Variants in ZNF214 observed in about 807,000 individuals in gnomAD.
The protein encoded by ZNF214 is BWSCR2-associated zinc finger protein 1.
A neutral mutation model predicts 53.9 loss-of-function variants in ZNF214; 43 were observed. That is an observed-to-expected ratio of 0.80 (90% CI 0.63 to 1.03). ZNF214 has a LOEUF of 1.03. Ranked by LOEUF, ZNF214 falls within the 50% of genes least tolerant of loss-of-function variation. The probability of loss-of-function intolerance (pLI) is 0.00; values close to 1 mark genes in which losing one functional copy is unlikely to be tolerated. For missense variants in ZNF214, 724 were observed against 719.1 expected (o/e 1.01, Z -0.08); for synonymous variants, 217 against 229.5 (o/e 0.95, Z 0.49).
chr11:7,001,714 C>A (rs72848591), intron 2 of ZNF214, among the ~76,000 whole-genome samples, 159 bp from the exon 3 acceptor site: 30,822 of 151,734 alleles, frequency 0.2, 3,967 homozygotes, highest in East Asian at 0.4. Flanking sequence ...GTCTGAAATT[C>A]ATTTATTTTG....
intron 2 of ZNF214, among the ~76,000 whole-genome samples, chr11:7,002,449 T>C (rs113058009): frequency 5.3e-5 from 8 of 152,092 alleles, no homozygotes; most frequent in African/African-American, 1.4e-4. Context: ...CCACACAAAA[T>C]TGACTACATA....
rs372846726 is a variant in ZNF214 at position 7,004,705 on chromosome 11, C to G, written c.-20-1850G>C. The stretch of plus-strand genomic sequence containing the variant: ...ACCTAGGCAGCCCTGTGGTGAGGAA[C>G]TGGGACCTTCTGCTTTCGTTGAGAA... On this transcript the variant is annotated intron_variant, in intron 1 of 2. Coordinates refer to ENST00000278314, the MANE Select transcript of ZNF214 (RefSeq NM_013249.4). 1.4e-4 allele frequency among the ~76,000 whole-genome samples: 21 copies of G among 152,210 alleles called. No individual in the cohort carries two copies. The South Asian group carries it at 4.3e-3, about 32-fold the overall frequency.
Position 7,000,361 on chromosome 11 carries a change from G to A in ZNF214, c.1322C>T (p.Pro441Leu), listed in dbSNP as rs368758708. The change falls in exon 3 of 3, where the codon CCT becomes CTT. Residue 441 changes from proline (P) to leucine (L), a missense_variant. Transcript: ENST00000278314. ...IHQRVHTGEK[P>L]YKCDDCGKDF... Reference sequence around the variant, plus strand: ...CTTTCCACAGTCATCACATTTATAAGGTTTCTCTCCTGTATGCACTCTCTG... The same window carrying A: ...CTTTCCACAGTCATCACATTTATAAAGTTTCTCTCCTGTATGCACTCTCTG... 1.2e-6 allele frequency: 2 copies of A among 1,613,450 alleles called. No individual in the cohort carries two copies. The highest frequency in any genetic ancestry group is 3.3e-5 in the Admixed American group (2 of 59,910).
chr11:7,008,989 C>A (rs1383426480), intron 1 of ZNF214, among the ~76,000 whole-genome samples: 1 of 151,838 alleles, frequency 6.6e-6, no homozygotes, highest in Admixed American at 6.6e-5. Flanking sequence ...TCAACATAAT[C>A]AAAATGGCCA....
chr11:7,020,214 C>T lies in ZNF214; in HGVS notation c.-162G>A, dbSNP rs1811711340. Reference sequence around the variant, plus strand: ...TTCCTTCAAGCACAGCTCGTCTTGCCCTGTCCGCTTCTGGCTCAGTCCTCC... The same window carrying T: ...TTCCTTCAAGCACAGCTCGTCTTGCTCTGTCCGCTTCTGGCTCAGTCCTCC... On this transcript the variant is annotated 5_prime_UTR_variant, in exon 1 of 3. Coordinates refer to ENST00000278314, the MANE Select transcript of ZNF214 (RefSeq NM_013249.4). The T allele has an allele frequency of 1.3e-5, 2 of 152,582 alleles. No individual in the cohort carries two copies. The highest frequency in any genetic ancestry group is 4.8e-5 in the African/African-American group (2 of 41,400). The allele number at this position is 152,582 out of a possible 1,614,324, so 9.5% of individuals were successfully genotyped here.
At chr11:7,005,300 G>A (rs962982541) in intron 1 of ZNF214, among the ~76,000 whole-genome samples, 1 of 151,814 alleles carries the variant, frequency 6.6e-6, no homozygotes, top group Admixed American at 6.6e-5. Context: ...CCCCAGTGGA[G>A]CAATAAAAGC....
chr11:7,010,727 T>G (rs548137340), intron 1 of ZNF214, among the ~76,000 whole-genome samples: 42 of 150,308 alleles, frequency 2.8e-4, no homozygotes, highest in African/African-American at 1.0e-3. Flanking sequence ...AGAAAATGCA[T>G]AAAGCCAAAA....
At chr11:7,018,353 A>G (rs954659072) in intron 1 of ZNF214, among the ~76,000 whole-genome samples, 1 of 152,140 alleles carries the variant, frequency 6.6e-6, no homozygotes, top group African/African-American at 2.4e-5. Context: ...TTTCCTATTT[A>G]GAATATCTTC....
intron 1 of ZNF214, among the ~76,000 whole-genome samples, chr11:7,012,034 T>G (rs1851617122): frequency 6.6e-6 from 1 of 152,184 alleles, no homozygotes; most frequent in Admixed American, 6.5e-5. Flanking sequence ...TTCAGATGGC[T>G]ATTCTGAGGA....
At chr11:7,002,143 G>A (rs934634821) in intron 2 of ZNF214, among the ~76,000 whole-genome samples, 7 of 151,882 alleles carry the variant, frequency 4.6e-5, no homozygotes, top group Admixed American at 6.6e-5. Context: ...TGAAAATCCC[G>A]TGACCACCAC....
chr11:7,019,532 T>C (rs911839163), intron 1 of ZNF214, among the ~76,000 whole-genome samples: 4 of 152,144 alleles, frequency 2.6e-5, no homozygotes, highest in African/African-American at 9.7e-5. Flanking sequence ...GAATACTGGA[T>C]TTACTATCAG....
rs1467029519 is a variant in ZNF214 at position 6,998,884 on chromosome 11, A to G, written c.*978T>C. 6.6e-6 allele frequency among the ~76,000 whole-genome samples: 1 copy of G among 151,978 alleles called. No homozygotes were observed. Among genetic ancestry groups the G allele is most frequent in the Non-Finnish European group, 1.5e-5 (1 of 67,938 alleles). On this transcript the variant is annotated 3_prime_UTR_variant, in exon 3 of 3. Coordinates refer to ENST00000278314, the MANE Select transcript of ZNF214 (RefSeq NM_013249.4). ...ACTTCAGCATATTTGTGTATCAATAATTAAGACTGTGTATTCCGACTAACT... is the reference window on the plus strand; with the variant it reads ...ACTTCAGCATATTTGTGTATCAATAGTTAAGACTGTGTATTCCGACTAACT...
At chr11:7,010,491 A>G (rs557618971) in intron 1 of ZNF214, among the ~76,000 whole-genome samples, 65 of 152,142 alleles carry the variant, frequency 4.3e-4, no homozygotes, top group Non-Finnish European at 7.5e-4. Flanking sequence ...CTGGTTGACA[A>G]AATAATTTGA....
At chr11:7,015,252 TATAAAG>T (rs1851733500) in intron 1 of ZNF214, among the ~76,000 whole-genome samples, 1 of 151,990 alleles carries the variant, frequency 6.6e-6, no homozygotes, top group Admixed American at 6.5e-5. Flanking sequence ...CCAGAACCTA[TATAAAG>T]ATAGTTTTAG....
intron 1 of ZNF214, among the ~76,000 whole-genome samples, chr11:7,018,594 C>T (rs1009257433): frequency 4.8e-5 from 7 of 144,744 alleles, no homozygotes; most frequent in South Asian, 2.2e-4. Context: ...TTCAGCCTCC[C>T]GGGTTCAAGC....
intron 1 of ZNF214, among the ~76,000 whole-genome samples, chr11:7,011,457 A>G (rs923008554): frequency 3.3e-5 from 5 of 152,058 alleles, no homozygotes; most frequent in African/African-American, 9.7e-5. Context: ...ATCAAGTGCT[A>G]TAAAGTTCAG....
At position 7,000,576 on chromosome 11, in the gene ZNF214, C is replaced by T. The variant is rs1242677451; in HGVS notation, c.1107G>A (p.Arg369=). 1 of 1,611,388 alleles carries T rather than the reference C, an allele frequency of 6.2e-7. No homozygotes were observed. Among genetic ancestry groups the T allele is most frequent in the Admixed American group, 1.7e-5 (1 of 59,716 alleles). The part of the protein sequence containing the change: ...KCNQCGKSFN[R]SSVLHVHQRV... ...TCTGATGAACATGAAGTACTGAACT[C>T]CGATTAAAACTCTTACCACACTGAT... The change falls in exon 3 of 3, where the codon CGG becomes CGA. Residue 369 remains arginine (R), a synonymous_variant. Coordinates refer to ENST00000278314, the MANE Select transcript of ZNF214 (RefSeq NM_013249.4).
intron 1 of ZNF214, among the ~76,000 whole-genome samples, chr11:7,003,291 C>T (rs1040961245): frequency 5.3e-5 from 8 of 151,962 alleles, no homozygotes; most frequent in African/African-American, 1.9e-4. Context: ...TTTGATCACA[C>T]ATTCTCAATT....
chr11:6,999,719 T>TA lies in ZNF214; in HGVS notation c.*142dup. The TA allele has an allele frequency of 1.1e-6, 1 of 886,350 alleles. No homozygotes were observed. The highest frequency in any genetic ancestry group is 2.6e-5 in the East Asian group (1 of 37,836). The allele number at this position is 886,350 out of a possible 1,614,324, so 54.9% of individuals were successfully genotyped here. On this transcript the variant is annotated 3_prime_UTR_variant, in exon 3 of 3. Transcript: ENST00000278314. ...TCTAAAGATCTCCTTTTGAAGCAAA[T>TA]AATTCTTAGTGGGAGATAGGGGAAA...
Sources: allele counts gnomAD v4.1 joint callset (sites outside exome capture counted in the v4.1 genomes callset), GRCh38; gene constraint gnomAD v4.1.1; transcripts MANE v1.5; gene names NCBI Gene and HGNC (gene_info 2026-07-23, HGNC 2026-07-21).